The following SENP2 variants were observed in gnomAD, a reference collection of about 807,000 sequenced individuals.
SENP2 encodes SUMO specific peptidase 2.
Under a neutral mutation model 86.3 loss-of-function variants are expected in SENP2, and 16 were observed. The ratio of observed to expected loss-of-function variants is 0.19; its 90% confidence interval spans 0.13 to 0.28. The LOEUF is 0.28. SENP2 is among the 10% of genes least tolerant of loss of function. The pLI is 1.00. For synonymous variants in SENP2, 222 were observed against 238.7 expected (o/e 0.93, Z 0.64); for missense variants, 552 against 703.0 (o/e 0.79, Z 2.43).
chr3:185,601,089 G>C (rs969477873), intron 5 of SENP2, among the ~76,000 whole-genome samples: 1 of 144,380 alleles, frequency 6.9e-6, no homozygotes, highest in Non-Finnish European at 1.5e-5. Context: ...TGTTTCCCAG[G>C]CTGGAGTGCA....
rs4012716 is a variant in SENP2, at chr3:185,601,639, C to CT, written c.449+803dup. ...ACATTCTCTCCTTTTGTTGTTCTTG[C>CT]TTTTTTTTTTTTTTTTTTTGAGATG... On this transcript the variant is annotated intron_variant, in intron 5 of 16. Transcript: ENST00000296257. Among the ~76,000 whole-genome samples, 1,129 of 116,734 alleles carry CT rather than the reference C, an allele frequency of 9.7e-3. 17 individuals carry two copies. The highest frequency in any genetic ancestry group is 0.023 in the African/African-American group (698 of 30,348). 76.6% of individuals were successfully genotyped at this position (116,734 alleles called of 152,430 possible). A position where few individuals can be genotyped will look rare whatever the true frequency, so the allele number is the denominator to read the frequency against.
chr3:185,592,159 G>T (rs1020908127), intron 2 of SENP2, among the ~76,000 whole-genome samples: 8 of 151,046 alleles, frequency 5.3e-5, no homozygotes, highest in African/African-American at 2.0e-4. Flanking sequence ...GCTCACTGCA[G>T]TCTCAAACTC....
chr3:185,593,370 T>C (rs1029934891), intron 2 of SENP2, among the ~76,000 whole-genome samples: 2 of 152,192 alleles, frequency 1.3e-5, no homozygotes, highest in African/African-American at 2.4e-5. Flanking sequence ...CACCTTGGCT[T>C]TCCAAAATGT....
In SENP2 at chr3:185,611,692, G is replaced by T. The variant is rs572586009; in HGVS notation, c.764G>T (p.Trp255Leu). 5.0e-6 allele frequency: 8 copies of T among 1,612,918 alleles called. No individual in the cohort carries two copies. The Admixed American group carries it at 6.7e-5, about 13-fold the overall frequency. Residue 255 changes from tryptophan (W) to leucine (L), a missense_variant, in exon 8 of 17, where the codon TGG (tryptophan) becomes TTG (leucine). By Grantham distance (61) the Trp-to-Leu change is moderately conservative. This residue lies in a region of SENP2 where 383 missense variants were observed against 427.3 expected (regional missense o/e 0.90). Coordinates refer to ENST00000296257, the MANE Select transcript of SENP2 (RefSeq NM_021627.3). Reference protein sequence around the residue: ...SQMDTLKTKGWGEEQNHGVKT... With the variant: ...SQMDTLKTKGLGEEQNHGVKT... ...ATGGACACATTAAAGACCAAAGGCTGGGGGGAAGAGCAAAATCACGGAGTC... is the reference window on the plus strand; with the variant it reads ...ATGGACACATTAAAGACCAAAGGCTTGGGGGAAGAGCAAAATCACGGAGTC...
chr3:185,629,041 T>C (rs1477631994), intron 16 of SENP2, among the ~76,000 whole-genome samples: 1 of 152,188 alleles, frequency 6.6e-6, no homozygotes, highest in South Asian at 2.1e-4. Flanking sequence ...TTGAACAGAA[T>C]TGGCAATGTA....
At chr3:185,626,171 T>C (rs1457228041) in intron 15 of SENP2, 127 bp from the exon 16 acceptor site, 2 of 621,196 alleles carry the variant, frequency 3.2e-6, no homozygotes, top group African/African-American at 3.7e-5. Flanking sequence ...ACTGTGTGTT[T>C]AGGTAATACC....
chr3:185,586,575 T>C lies in SENP2; in HGVS notation c.101+61T>C, dbSNP rs1334232949. ...TACCCCCTCCCCCACAGCGGGCTCC[T>C]CGGCCGTGATAGCTTTGATTCAGCC... On this transcript the variant is annotated intron_variant, in intron 1 of 16. Coordinates refer to ENST00000296257, the MANE Select transcript of SENP2 (RefSeq NM_021627.3). This position sits in a 1 kb window ranked among gnomAD's most constrained non-coding sequence, Gnocchi z 4.3. 5.4e-6 allele frequency: 8 copies of C among 1,485,014 alleles called. No homozygotes were observed. The highest frequency in any genetic ancestry group is 4.5e-5 in the East Asian group (2 of 44,272). The allele number at this position is 1,485,014 out of a possible 1,614,324, so 92.0% of individuals were successfully genotyped here. A position where few individuals can be genotyped will look rare whatever the true frequency, so the allele number is the denominator to read the frequency against.
intron 5 of SENP2, among the ~76,000 whole-genome samples, chr3:185,604,633 A>G (rs966119983): frequency 3.3e-5 from 5 of 152,186 alleles, no homozygotes. Flanking sequence ...ACCTAGATTC[A>G]CCAGTTGTCA....
In SENP2 at chr3:185,621,864, T is replaced by A. The variant is rs1711904471; in HGVS notation, c.1485T>A (p.Asp495Glu). The A allele has an allele frequency of 6.2e-7, 1 of 1,612,142 alleles. No individual in the cohort carries two copies. Among genetic ancestry groups the A allele is most frequent in the African/African-American group, 1.3e-5 (1 of 74,888 alleles). ...GAAAAAAGTGTCTTAAATATCTGGA[T>A]TCTATGGGACAAAAGGGCCACAGGA... ...DLRKKCLKYL[D>E]SMGQKGHRIC... Residue 495 changes from aspartate (D) to glutamate (E), a missense_variant, in exon 14 of 17, where the codon GAT becomes GAA. Around this residue, in one of 2 missense-constraint regions of SENP2, gnomAD observed 169 missense variants for 275.7 expected, o/e 0.61. Transcript: ENST00000296257.
At chr3:185,622,829 T>C (rs1256008425) in intron 14 of SENP2, among the ~76,000 whole-genome samples, 1 of 144,404 alleles carries the variant, frequency 6.9e-6, no homozygotes, top group Non-Finnish European at 1.5e-5. Context: ...TTTTTTTTTT[T>C]TTTTTTTTTT....
chr3:185,592,092 G>A (rs1393963113), intron 2 of SENP2, among the ~76,000 whole-genome samples: 5 of 68,742 alleles, frequency 7.3e-5, no homozygotes, highest in South Asian at 4.7e-4. Context: ...TTTTAATTTT[G>A]TAAGAGGCAA....
intron 2 of SENP2, among the ~76,000 whole-genome samples, chr3:185,595,498 T>C (rs1053076188): frequency 1.3e-5 from 2 of 152,230 alleles, no homozygotes; most frequent in East Asian, 1.9e-4. Flanking sequence ...CATTACTTTT[T>C]CCCTTTTGTT....
At chr3:185,627,132 T>G (rs576195513) in intron 16 of SENP2, among the ~76,000 whole-genome samples, 1 of 151,752 alleles carries the variant, frequency 6.6e-6, no homozygotes, top group South Asian at 2.1e-4. Context: ...CTATTCTTAT[T>G]GCTGTAAATC....
intron 15 of SENP2, among the ~76,000 whole-genome samples, chr3:185,625,487 T>C (rs1264475441): frequency 6.6e-6 from 1 of 152,118 alleles, no homozygotes; most frequent in Non-Finnish European, 1.5e-5. Flanking sequence ...TAGTGTGTTT[T>C]CCAGCAATAA....
At chr3:185,622,435 T>A (rs942073486) in intron 14 of SENP2, among the ~76,000 whole-genome samples, 4 of 152,198 alleles carry the variant, frequency 2.6e-5, no homozygotes, top group African/African-American at 9.6e-5. Context: ...ATGGGTCCAT[T>A]TTTCCTTTTC....
intron 1 of SENP2, among the ~76,000 whole-genome samples, chr3:185,587,417 G>A (rs1392527826): frequency 1.3e-5 from 2 of 152,130 alleles, no homozygotes; most frequent in African/African-American, 4.8e-5. Context: ...GCAGGCATGA[G>A]CCACTGCACT....
At chr3:185,625,068 AGT>A (rs1712077789) in intron 15 of SENP2, among the ~76,000 whole-genome samples, 1 of 151,972 alleles carries the variant, frequency 6.6e-6, no homozygotes, top group Non-Finnish European at 1.5e-5. Context: ...TTGAGAGAAA[AGT>A]GTGAGGTATA....
At chr3:185,613,539 G>A in intron 10 of SENP2, 131 bp downstream of exon 10, 1 of 549,838 alleles carries the variant, frequency 1.8e-6, no homozygotes, top group Non-Finnish European at 3.1e-6. Context: ...CTTTAAAAAA[G>A]CAGCAAGCCA....
chr3:185,629,423 A>G (rs1164947694), intron 16 of SENP2, among the ~76,000 whole-genome samples: 1 of 152,100 alleles, frequency 6.6e-6, no homozygotes, highest in African/African-American at 2.4e-5. Context: ...CTAAAAATAT[A>G]AAAAATAAGC....
Sources: gnomAD v4.1 joint callset for allele counts (sites outside exome capture counted in the v4.1 genomes callset) on GRCh38, gnomAD v4.1.1 for gene constraint, gnomAD v4.1.1 regional missense constraint, Gnocchi (gnomAD v3.1) non-coding constraint, MANE v1.5 for transcripts, NCBI Gene and HGNC (gene_info 2026-07-23, HGNC 2026-07-21) for gene names.